The following PHF20 variants were observed in gnomAD, a reference collection of about 807,000 sequenced individuals.
The protein encoded by PHF20 is glioma-expressed antigen 2.
In PHF20, 23 loss-of-function variants were observed where a neutral mutation model predicts 113.5. The observed-to-expected ratio is 0.20, with a 90% CI of 0.15 to 0.29. The LOEUF (loss-of-function observed/expected upper bound fraction) is 0.29. PHF20 is among the 10% of genes least tolerant of loss of function. PHF20 has a pLI of 1.00. For missense variants in PHF20, 943 were observed against 1,219.6 expected (o/e 0.77, Z 3.38); for synonymous variants, 434 against 457.3 (o/e 0.95, Z 0.65).
intron 3 of PHF20, among the ~76,000 whole-genome samples, chr20:35,844,408 T>A (rs1289259466): frequency 7.0e-6 from 1 of 142,254 alleles, no homozygotes; most frequent in East Asian, 2.0e-4. Context: ...AGCCGGTTTT[T>A]TTTTTTTGGT....
At chr20:35,938,028 C>G (rs867991879) in intron 15 of PHF20, among the ~76,000 whole-genome samples, 1 of 152,130 alleles carries the variant, frequency 6.6e-6, no homozygotes, top group Non-Finnish European at 1.5e-5. Flanking sequence ...CCCGCCACCA[C>G]GTCCAGCTAA....
At chr20:35,880,721 G>T (rs1324708688) in intron 9 of PHF20, among the ~76,000 whole-genome samples, 1 of 152,096 alleles carries the variant, frequency 6.6e-6, no homozygotes, top group Non-Finnish European at 1.5e-5. Context: ...AGCACTTTGG[G>T]AGGCTGACGC....
chr20:35,925,870 C>A (rs1029581212), intron 13 of PHF20, among the ~76,000 whole-genome samples: 1 of 151,780 alleles, frequency 6.6e-6, no homozygotes, highest in Non-Finnish European at 1.5e-5. Context: ...TGCCTATAAT[C>A]CCAGCACTTT....
At chr20:35,823,965 C>G (rs2146906883) in intron 2 of PHF20, among the ~76,000 whole-genome samples, 1 of 152,330 alleles carries the variant, frequency 6.6e-6, no homozygotes, top group East Asian at 1.9e-4. Flanking sequence ...TATACCACAG[C>G]TTATCTGTTT....
intron 1 of PHF20, among the ~76,000 whole-genome samples, chr20:35,790,688 G>A (rs1013518897): frequency 2.6e-5 from 4 of 152,056 alleles, no homozygotes; most frequent in Admixed American, 2.0e-4. Context: ...GCTCATAACC[G>A]CTGTGTCCCA....
intron 2 of PHF20, among the ~76,000 whole-genome samples, chr20:35,817,848 C>A (rs951973700): frequency 6.6e-6 from 1 of 151,836 alleles, no homozygotes; most frequent in African/African-American, 2.4e-5. Flanking sequence ...TGGCTTATGC[C>A]TGTGATCCTA....
At chr20:35,908,057 C>T (rs908776510) in intron 10 of PHF20, among the ~76,000 whole-genome samples, 3 of 152,220 alleles carry the variant, frequency 2.0e-5, no homozygotes, top group Admixed American at 2.0e-4. Flanking sequence ...CCAATATTTA[C>T]AGCTCTAGCA....
chr20:35,805,451 C>CACT (rs2041864031), intron 2 of PHF20, among the ~76,000 whole-genome samples: 1 of 147,936 alleles, frequency 6.8e-6, no homozygotes, highest in African/African-American at 2.5e-5. Context: ...GGCGCAATCT[C>CACT]GGCTCACTGC....
rs2054412372 is a variant in PHF20 at position 35,871,056 on chromosome 20, C to T, written c.1024C>T (p.Pro342Ser). 1 of 1,613,176 alleles carries T rather than the reference C, an allele frequency of 6.2e-7. No homozygotes were observed. Among genetic ancestry groups the T allele is most frequent in the Admixed American group, 1.7e-5 (1 of 59,724 alleles). ...STNGTHEILD[P>S]DLVVSDLVDT... ...TAATGGGACCCATGAGATCCTAGAT[C>T]CTGACTTGGTTGTATCAGATTTGGT... Residue 342 changes from proline (P) to serine (S), a missense_variant, in exon 8 of 18, where the codon CCT becomes TCT. Coordinates refer to ENST00000374012, the MANE Select transcript of PHF20 (RefSeq NM_016436.5).
At chr20:35,839,581 T>A (rs1359673234) in intron 2 of PHF20, among the ~76,000 whole-genome samples, 1 of 152,184 alleles carries the variant, frequency 6.6e-6, no homozygotes, top group African/African-American at 2.4e-5. Context: ...CTCTCTTGTC[T>A]CCTACAATTG....
chr20:35,855,394 G>A, intron 4 of PHF20: 1 of 321,710 alleles, frequency 3.1e-6, no homozygotes, highest in Non-Finnish European at 5.3e-6. Flanking sequence ...TCATCTAATT[G>A]TTGTTGTCAT....
At chr20:35,910,649 G>A (rs546443219) in intron 10 of PHF20, among the ~76,000 whole-genome samples, 2 of 151,254 alleles carry the variant, frequency 1.3e-5, no homozygotes, top group East Asian at 1.9e-4. Context: ...CTTCCCCCCC[G>A]AGATGGAGTC....
chr20:35,900,154 A>G (rs569751564), intron 10 of PHF20, among the ~76,000 whole-genome samples: 54 of 152,352 alleles, frequency 3.5e-4, no homozygotes, highest in African/African-American at 1.3e-3. Flanking sequence ...AATAGGGGTT[A>G]CCATAAAATC....
At chr20:35,895,445 A>G (rs1432799541) in intron 9 of PHF20, among the ~76,000 whole-genome samples, 3 of 152,174 alleles carry the variant, frequency 2.0e-5, no homozygotes, top group Non-Finnish European at 4.4e-5. Flanking sequence ...GTCGTGAGCC[A>G]CTGCACAGGG....
At chr20:35,871,629 A>G (rs1182819145) in intron 8 of PHF20, 21 bp from the exon 9 acceptor site, 2 of 1,571,820 alleles carry the variant, frequency 1.3e-6, no homozygotes, top group African/African-American at 1.4e-5. Context: ...ATTTCCCCCA[A>G]ACTTTCTTTT....
chr20:35,858,952 C>CCA (rs2146965324), intron 5 of PHF20, among the ~76,000 whole-genome samples: 1 of 152,222 alleles, frequency 6.6e-6, no homozygotes, highest in East Asian at 1.9e-4. Context: ...TTCTCCTAAT[C>CCA]TTTTTTCAAC....
intron 9 of PHF20, among the ~76,000 whole-genome samples, chr20:35,880,975 T>G (rs532834404): frequency 6.6e-6 from 1 of 151,194 alleles, no homozygotes; most frequent in Non-Finnish European, 1.5e-5. Context: ...AAACAAAAAT[T>G]AAAAATTTTT....
intron 2 of PHF20, among the ~76,000 whole-genome samples, chr20:35,812,152 G>C (rs932218010): frequency 6.6e-6 from 1 of 152,134 alleles, no homozygotes; most frequent in Non-Finnish European, 1.5e-5. Flanking sequence ...TTCACTAATT[G>C]TTAACCCATT....
At chr20:35,823,099 A>G (rs563190740) in intron 2 of PHF20, among the ~76,000 whole-genome samples, 10 of 152,130 alleles carry the variant, frequency 6.6e-5, no homozygotes, top group Non-Finnish European at 1.3e-4. Flanking sequence ...ATCAAAATCC[A>G]TATGTGTACA....
Sources: allele counts gnomAD v4.1 joint callset (sites outside exome capture counted in the v4.1 genomes callset), GRCh38; gene constraint gnomAD v4.1.1; transcripts MANE v1.5; gene names NCBI Gene and HGNC (gene_info 2026-07-23, HGNC 2026-07-21).